The following SLCO3A1 variants were observed in gnomAD, a reference collection of about 807,000 sequenced individuals.
SLCO3A1 encodes the protein solute carrier organic anion transporter family member 3A1.
In SLCO3A1, 27 loss-of-function variants were observed where a neutral mutation model predicts 63.1. The ratio of observed to expected loss-of-function variants is 0.43; its 90% confidence interval spans 0.32 to 0.59. SLCO3A1 has a LOEUF of 0.59. SLCO3A1 is among the 20% of genes least tolerant of loss of function. SLCO3A1 has a pLI of 0.09. For missense variants in SLCO3A1, 773 were observed against 945.8 expected, an observed-to-expected ratio of 0.82 and a Z score of 2.40; for synonymous variants, 473 against 409.9, an observed-to-expected ratio of 1.15 and a Z score of -1.86.
chr15:91,923,417 C>T (rs988736816), intron 2 of SLCO3A1, among the ~76,000 whole-genome samples: 3 of 152,202 alleles, frequency 2.0e-5, no homozygotes, highest in Non-Finnish European at 4.4e-5. Context: ...AAACCAGCAG[C>T]GCTCTTCTTT....
chr15:91,947,142 A>G (rs1899834772), intron 2 of SLCO3A1, among the ~76,000 whole-genome samples: 1 of 152,214 alleles, frequency 6.6e-6, no homozygotes, highest in Admixed American at 6.5e-5. Context: ...GGGCAGATCA[A>G]CAGGGCAAAG....
chr15:92,151,071 GTAACTGTCAGTCAAA>G (rs2048299482), intron 9 of SLCO3A1, 57 bp downstream of exon 9: 1 of 1,136,614 alleles, frequency 8.8e-7, no homozygotes, highest in Non-Finnish European at 1.3e-6. Context: ...TACTAGGTGA[GTAACTGTCAGTCAAA>G]TTATCCCATT....
intron 2 of SLCO3A1, among the ~76,000 whole-genome samples, chr15:92,092,197 A>T (rs2047486125): frequency 6.6e-6 from 1 of 152,160 alleles, no homozygotes; most frequent in African/African-American, 2.4e-5. Flanking sequence ...GTCTCGATGC[A>T]ACCCCTTCAG....
At chr15:92,088,358 C>CA (rs1192762648) in intron 2 of SLCO3A1, among the ~76,000 whole-genome samples, 1 of 152,110 alleles carries the variant, frequency 6.6e-6, no homozygotes. Flanking sequence ...ATGACACACA[C>CA]AAAAAAATGT....
rs1352929088 is a variant in SLCO3A1 at position 91,872,181 on chromosome 15, A to C, written c.180+18093A>C. 6.6e-6 allele frequency among the ~76,000 whole-genome samples: 1 copy of C among 152,196 alleles called. No homozygotes were observed. Among genetic ancestry groups the C allele is most frequent in the East Asian group, 1.9e-4 (1 of 5,194 alleles). On this transcript the variant is annotated intron_variant, in intron 1 of 9. Coordinates refer to ENST00000318445, the MANE Select transcript of SLCO3A1 (RefSeq NM_013272.4). This position sits in a 1 kb window ranked among gnomAD's most constrained non-coding sequence, Gnocchi z 4.1. ...TCGAACTCTCACACAAATCCCATGCAGTAGATGTCATTATTTCTCTTTTCC... is the reference window on the plus strand; with the variant it reads ...TCGAACTCTCACACAAATCCCATGCCGTAGATGTCATTATTTCTCTTTTCC...
At chr15:91,994,863 A>G (rs1238756402) in intron 2 of SLCO3A1, among the ~76,000 whole-genome samples, 1 of 152,158 alleles carries the variant, frequency 6.6e-6, no homozygotes, top group Non-Finnish European at 1.5e-5. Context: ...CCCTGCAGAC[A>G]TGGGCCTTGC....
rs890765123 is a variant in SLCO3A1 at position 91,883,884 on chromosome 15, C to T, written c.180+29796C>T. Among the ~76,000 whole-genome samples, 3 of 152,156 alleles carry T rather than the reference C, an allele frequency of 2.0e-5. No homozygotes were observed. The highest frequency in any genetic ancestry group is 2.9e-5 in the Non-Finnish European group (2 of 68,024). On this transcript the variant is annotated intron_variant, in intron 1 of 9. Transcript: ENST00000318445. The surrounding 1 kb of genome is among the most constrained non-coding windows in gnomAD (Gnocchi z 4.8). ...GCATTTCTTCTGCTGTCCTTTTCAT[C>T]CTCACACTGAGATGCTTGCAGAAAC...
At chr15:91,887,860 T>C (rs1219623716) in intron 1 of SLCO3A1, among the ~76,000 whole-genome samples, 1 of 152,232 alleles carries the variant, frequency 6.6e-6, no homozygotes, top group African/African-American at 2.4e-5. Context: ...TTGAACTTAG[T>C]AATACCTACA....
chr15:92,091,437 C>G (rs1042136442), intron 2 of SLCO3A1, among the ~76,000 whole-genome samples: 1 of 152,198 alleles, frequency 6.6e-6, no homozygotes, highest in African/African-American at 2.4e-5. Flanking sequence ...GCAGAACATT[C>G]GAGCTGGCTT....
intron 3 of SLCO3A1, among the ~76,000 whole-genome samples, chr15:92,095,644 A>G (rs2151537597): frequency 6.6e-6 from 1 of 152,340 alleles, no homozygotes; most frequent in East Asian, 1.9e-4. Context: ...GTGGTGACAG[A>G]CAGTCCCAAA....
chr15:91,944,809 A>C (rs1182003582), intron 2 of SLCO3A1, among the ~76,000 whole-genome samples: 2 of 152,152 alleles, frequency 1.3e-5, no homozygotes, highest in Non-Finnish European at 2.9e-5. Context: ...GAAAGGCACG[A>C]GCAGGCTCCC....
chr15:91,999,099 A>G (rs145921941), intron 2 of SLCO3A1, among the ~76,000 whole-genome samples: 1 of 152,180 alleles, frequency 6.6e-6, no homozygotes. Flanking sequence ...GTACTCGTGG[A>G]CGTAAAGTCG....
At chr15:92,080,003 C>T (rs367792956) in intron 2 of SLCO3A1, among the ~76,000 whole-genome samples, 2 of 152,246 alleles carry the variant, frequency 1.3e-5, no homozygotes, top group East Asian at 1.9e-4. Flanking sequence ...GATGGATTTC[C>T]GGCCTGCGGC....
intron 3 of SLCO3A1, among the ~76,000 whole-genome samples, chr15:92,102,850 G>A (rs547049500): frequency 6.6e-6 from 1 of 152,338 alleles, no homozygotes; most frequent in East Asian, 1.9e-4. Flanking sequence ...AGAAAGGTGA[G>A]AGCGTGGACC....
intron 1 of SLCO3A1, among the ~76,000 whole-genome samples, chr15:91,895,722 G>C (rs1897986689): frequency 6.6e-6 from 1 of 152,158 alleles, no homozygotes; most frequent in Admixed American, 6.5e-5. Flanking sequence ...AAACACTTAG[G>C]GTTATTGCAC....
rs182423648 is a variant in SLCO3A1, at chr15:91,953,517, C to T, written c.646+37059C>T. ...CCTGCCAGGAGGAGTAGGTGTTTGT[C>T]AGGCAGACCGGGTGTGCCAGGCAGA... On this transcript the variant is annotated intron_variant, in intron 2 of 9. Coordinates refer to ENST00000318445, the MANE Select transcript of SLCO3A1 (RefSeq NM_013272.4). 1.6e-4 allele frequency among the ~76,000 whole-genome samples: 25 copies of T among 152,276 alleles called. No individual in the cohort carries two copies. The East Asian group carries it at 4.8e-3, about 29-fold the overall frequency.
chr15:92,115,537 C>T (rs1271093326), intron 4 of SLCO3A1, among the ~76,000 whole-genome samples: 1 of 152,062 alleles, frequency 6.6e-6, no homozygotes, highest in East Asian at 1.9e-4. Flanking sequence ...GCCAGAGACA[C>T]TGGGCCACAT....
intron 3 of SLCO3A1, among the ~76,000 whole-genome samples, chr15:92,102,172 G>C (rs1156774007): frequency 6.6e-6 from 1 of 152,058 alleles, no homozygotes; most frequent in African/African-American, 2.4e-5. Context: ...GCTGTCTTTT[G>C]TTTTCATTCA....
intron 2 of SLCO3A1, among the ~76,000 whole-genome samples, chr15:92,010,898 A>G (rs116060454): frequency 0.026 from 4,028 of 152,226 alleles, 181 homozygotes; most frequent in African/African-American, 0.09. Flanking sequence ...CACCTCCATC[A>G]CCAGCTGGCT....
Sources: gnomAD v4.1 joint callset for allele counts (sites outside exome capture counted in the v4.1 genomes callset) on GRCh38, gnomAD v4.1.1 for gene constraint, Gnocchi (gnomAD v3.1) non-coding constraint, MANE v1.5 for transcripts, NCBI Gene and HGNC (gene_info 2026-07-23, HGNC 2026-07-21) for gene names.